COL24A1: variants seen among roughly 807,000 people sequenced by gnomAD.
COL24A1 encodes collagen type XXIV alpha 1 chain, also known as collagen alpha-1(XXIV) chain.
In COL24A1, 224 loss-of-function variants were observed where a neutral mutation model predicts 253.9. That is an observed-to-expected ratio of 0.88 (90% CI 0.79 to 0.99). COL24A1 has a LOEUF of 0.99. Among genes scored for constraint, COL24A1 ranks in the 50% least tolerant of loss-of-function variants. The pLI, the probability that COL24A1 is intolerant of heterozygous loss-of-function variation, is 0.00. For synonymous variants in COL24A1, 685 were observed against 673.7 expected (o/e 1.02, Z -0.26); for missense variants, 2,131 against 2,068.5 (o/e 1.03, Z -0.59).
At chr1:85,869,707 C>T (rs982228838) in intron 35 of COL24A1, among the ~76,000 whole-genome samples, 11 of 152,162 alleles carry the variant, frequency 7.2e-5, no homozygotes, top group East Asian at 5.8e-4. Context: ...GCACTAAACA[C>T]GGAAAGGAAC....
chr1:85,969,119 C>T lies in COL24A1; in HGVS notation c.2463+1108G>A, dbSNP rs182556280. On this transcript the variant is annotated intron_variant, in intron 22 of 59. Coordinates refer to ENST00000370571, the MANE Select transcript of COL24A1 (RefSeq NM_152890.7). ...GAGTTGAATATGGTTCTCCTGTTTT[C>T]GAAGGAAGTAAATTTTAAATAAGAT... Among the ~76,000 whole-genome samples the T allele has an allele frequency of 1.2e-3, 180 of 152,102 alleles. 1 individual carries two copies. The highest frequency in any genetic ancestry group is 3.7e-3 in the African/African-American group (155 of 41,502).
chr1:85,851,234 C>T (rs938701331), intron 37 of COL24A1, among the ~76,000 whole-genome samples: 5 of 151,856 alleles, frequency 3.3e-5, no homozygotes, highest in Non-Finnish European at 7.4e-5. Flanking sequence ...TATGTGTTCT[C>T]CTGAAACTTC....
At position 85,920,439 on chromosome 1, in the gene COL24A1, G is replaced by A. The variant is rs186505383; in HGVS notation, c.2563-9006C>T. Among the ~76,000 whole-genome samples the A allele has an allele frequency of 1.8e-3, 275 of 152,324 alleles. 4 individuals are homozygous for A. Among genetic ancestry groups the A allele is most frequent in the Non-Finnish European group, 6.8e-4 (46 of 68,030 alleles). On this transcript the variant is annotated intron_variant, in intron 24 of 59. Transcript: ENST00000370571. Reference sequence around the variant, plus strand: ...ATGTGTAGGGGAATAGGCTGGGATAGATACATTGGTTATATACTATAGACG... The same window carrying A: ...ATGTGTAGGGGAATAGGCTGGGATAAATACATTGGTTATATACTATAGACG...
rs1292137928 is a variant in COL24A1 at position 85,729,437 on chromosome 1, G to C, written c.*1109C>G. ...ATGGGAAAAGACTTTTTTTTTTCTG[G>C]ATGTTGCTTTAAAGACTGGTAAATT... On this transcript the variant is annotated 3_prime_UTR_variant, in exon 60 of 60. Coordinates refer to ENST00000370571, the MANE Select transcript of COL24A1 (RefSeq NM_152890.7). The C allele has an allele frequency of 6.6e-6, 1 of 151,828 alleles. No homozygotes were observed. 9.4% of individuals were successfully genotyped at this position (151,828 alleles called of 1,614,324 possible).
chr1:86,156,560 G>A lies in COL24A1; in HGVS notation c.-164C>T. On this transcript the variant is annotated 5_prime_UTR_variant, in exon 1 of 60. Transcript: ENST00000370571. Reference sequence around the variant, plus strand: ...AAAAGGAGGGGAGGGGGTGAAGTCGGGAGGAGGTAGGAAATAGCACCCGAA... The same window carrying A: ...AAAAGGAGGGGAGGGGGTGAAGTCGAGAGGAGGTAGGAAATAGCACCCGAA... The A allele has an allele frequency of 1.9e-6, 1 of 518,956 alleles. No homozygotes were observed. Among genetic ancestry groups the A allele is most frequent in the Non-Finnish European group, 3.2e-6 (1 of 311,528 alleles). 32.1% of individuals were successfully genotyped at this position (518,956 alleles called of 1,614,324 possible). A position where few individuals can be genotyped will look rare whatever the true frequency, so the allele number is the denominator to read the frequency against.
At chr1:85,794,191 C>A (rs961738485) in intron 47 of COL24A1, among the ~76,000 whole-genome samples, 1 of 152,086 alleles carries the variant, frequency 6.6e-6, no homozygotes, top group Non-Finnish European at 1.5e-5. Context: ...GGAGACGCAT[C>A]ATTAGAACTG....
intron 47 of COL24A1, among the ~76,000 whole-genome samples, chr1:85,800,697 A>G (rs920533154): frequency 3.3e-5 from 5 of 152,108 alleles, no homozygotes; most frequent in Admixed American, 2.0e-4. Flanking sequence ...GGAAACTGGG[A>G]GCTGTTGATG....
In COL24A1 at chr1:85,970,249, G is replaced by C; in HGVS notation, c.2441C>G (p.Ala814Gly). ...GTQGEEGPIG[A>G]FGELGPRGKP... The stretch of plus-strand genomic sequence containing the variant: ...TACTCTTGGCCCCAGTTCCCCAAAG[G>C]CTCCAATTGGTCCTTCTTCTCCCTT... Residue 814 changes from alanine to glycine, a missense_variant, in exon 22 of 60, where the codon GCC (alanine) becomes GGC (glycine). Ala to Gly is a moderately conservative substitution (Grantham distance 60). Transcript: ENST00000370571. The C allele has an allele frequency of 6.3e-7, 1 of 1,591,326 alleles. No homozygotes were observed. Among genetic ancestry groups the C allele is most frequent in the East Asian group, 2.3e-5 (1 of 44,116 alleles).
chr1:85,865,327 T>A (rs764116347), intron 37 of COL24A1, among the ~76,000 whole-genome samples: 1 of 152,164 alleles, frequency 6.6e-6, no homozygotes, highest in Non-Finnish European at 1.5e-5. Flanking sequence ...TGCAAAATTC[T>A]TTTGAAAAAA....
chr1:85,906,961 T>C lies in COL24A1; in HGVS notation c.2778+233A>G, dbSNP rs142125696. ...ATAAGAAACAAGAATTCTATATGAGTTAGTGATACATGTAAAAATTAAAAT... is the reference window on the plus strand; with the variant it reads ...ATAAGAAACAAGAATTCTATATGAGCTAGTGATACATGTAAAAATTAAAAT... On this transcript the variant is annotated intron_variant, in intron 28 of 59. Coordinates refer to ENST00000370571, the MANE Select transcript of COL24A1 (RefSeq NM_152890.7). Among the ~76,000 whole-genome samples, 124 of 151,914 alleles carry C rather than the reference T, an allele frequency of 8.2e-4. 1 individual carries two copies. Among genetic ancestry groups the C allele is most frequent in the Non-Finnish European group, 1.4e-3 (95 of 67,796 alleles).
At chr1:86,029,143 T>C (rs1283922248) in intron 14 of COL24A1, among the ~76,000 whole-genome samples, 1 of 93,350 alleles carries the variant, frequency 1.1e-5, no homozygotes, top group Admixed American at 1.3e-4. Context: ...CTATTCTAAG[T>C]TCTCAGGAAA....
intron 37 of COL24A1, among the ~76,000 whole-genome samples, chr1:85,853,921 T>A (rs1295046571): frequency 6.6e-6 from 1 of 152,232 alleles, no homozygotes; most frequent in African/African-American, 2.4e-5. Context: ...GGTTGTCTGT[T>A]TACTCTTTTG....
chr1:85,788,348 C>T (rs1558129718), intron 47 of COL24A1, among the ~76,000 whole-genome samples: 1 of 152,166 alleles, frequency 6.6e-6, no homozygotes, highest in Admixed American at 6.5e-5. Context: ...ATCTCGGCCT[C>T]CCAAAGTGCT....
At position 85,767,447 on chromosome 1, in the gene COL24A1, A is replaced by G. The variant is rs117387339; in HGVS notation, c.4375-5881T>C. 9.4e-3 allele frequency among the ~76,000 whole-genome samples: 1,430 copies of G among 152,308 alleles called. 58 individuals are homozygous for G. The highest frequency in any genetic ancestry group is 0.063 in the Admixed American group (971 of 15,292). On this transcript the variant is annotated intron_variant, in intron 53 of 59. Transcript: ENST00000370571. ...AAGCTTTTCCATAAAACAAAGGAGAAAAGGTTTAACGGCACATTTTATGGA... is the reference window on the plus strand; with the variant it reads ...AAGCTTTTCCATAAAACAAAGGAGAGAAGGTTTAACGGCACATTTTATGGA...
intron 47 of COL24A1, among the ~76,000 whole-genome samples, chr1:85,809,287 T>C (rs190927896): frequency 2.6e-5 from 4 of 152,300 alleles, no homozygotes; most frequent in African/African-American, 7.2e-5. Flanking sequence ...CCTATTCTTG[T>C]GGGCTTTAAT....
intron 2 of COL24A1, among the ~76,000 whole-genome samples, chr1:86,126,843 A>G (rs1507264): frequency 0.14 from 20,661 of 152,142 alleles, 1,565 homozygotes; most frequent in East Asian, 0.29. Context: ...ATGTTCAAAG[A>G]TTCCCAGATC....
At chr1:85,832,141 A>T (rs965191034) in intron 43 of COL24A1, among the ~76,000 whole-genome samples, 2 of 152,042 alleles carry the variant, frequency 1.3e-5, no homozygotes, top group South Asian at 2.1e-4. Context: ...AGCTTTCTAC[A>T]TATGGCTAGC....
intron 28 of COL24A1, among the ~76,000 whole-genome samples, chr1:85,898,174 G>A (rs111806164): frequency 9.8e-5 from 15 of 152,332 alleles, no homozygotes; most frequent in South Asian, 8.3e-4. Context: ...GCAGAAAACT[G>A]ATGCTAAAGA....
intron 1 of COL24A1, among the ~76,000 whole-genome samples, chr1:86,149,661 C>G (rs1445191309): frequency 2.0e-5 from 3 of 152,308 alleles, no homozygotes; most frequent in African/African-American, 7.2e-5. Context: ...ACAGCCAGCA[C>G]TACTCATTTA....
Sources: gnomAD v4.1 joint callset for allele counts (sites outside exome capture counted in the v4.1 genomes callset) on GRCh38, gnomAD v4.1.1 for gene constraint, MANE v1.5 for transcripts, NCBI Gene and HGNC (gene_info 2026-07-23, HGNC 2026-07-21) for gene names.